SMUG1: variants seen among roughly 807,000 people sequenced by gnomAD.
SMUG1 encodes single-strand selective monofunctional uracil DNA glycosylase.
A neutral mutation model predicts 23.9 loss-of-function variants in SMUG1; 13 were observed. The ratio of observed to expected loss-of-function variants is 0.54; its 90% CI spans 0.35 to 0.86. SMUG1 has a LOEUF of 0.86. SMUG1 is among the 40% of genes least tolerant of loss of function. SMUG1 has a pLI of 0.01. For missense variants in SMUG1, 313 were observed against 339.5 expected (o/e 0.92, Z 0.61); for synonymous variants, 133 against 139.8 (o/e 0.95, Z 0.34).
At chr12:54,184,142 T>C (rs2136706057) in intron 2 of SMUG1, 183 bp from the exon 3 acceptor site, 3 of 473,648 alleles carry the variant, frequency 6.3e-6, no homozygotes, top group South Asian at 4.7e-5. Flanking sequence ...TGAAGGGCCC[T>C]TTCCCTCCCC....
intron 3 of SMUG1, among the ~76,000 whole-genome samples, chr12:54,171,667 C>G (rs117221316): frequency 0.052 from 6,008 of 114,942 alleles, 227 homozygotes; most frequent in East Asian, 0.21. Flanking sequence ...AGCCTGGCAA[C>G]AGAGCTAGAG....
intron 4 of SMUG1, among the ~76,000 whole-genome samples, chr12:54,159,620 G>C (rs1242218236): frequency 1.3e-5 from 2 of 152,172 alleles, no homozygotes; most frequent in Non-Finnish European, 2.9e-5. Context: ...ATGGTCTCTT[G>C]TGTACTTCAT....
chr12:54,182,276 C>T lies in SMUG1; in HGVS notation c.633G>A (p.Val211=), dbSNP rs1363568782. 1 of 1,611,960 alleles carries T rather than the reference C, an allele frequency of 6.2e-7. No homozygotes were observed. Among genetic ancestry groups the T allele is most frequent in the Non-Finnish European group, 8.5e-7 (1 of 1,178,784 alleles). The part of the protein sequence containing the change: ...QVQLLGVRLV[V]GVGRLAEQRA... The stretch of plus-strand genomic sequence containing the variant: ...GCTGCTCTGCCAGTCGCCCAACTCC[C>T]ACCACCAGCCGCACCCCCAGCAGCT... The change falls in exon 4 of 4, where the codon GTG becomes GTA. Residue 211 remains valine (V), a synonymous_variant. Coordinates refer to ENST00000682136, the MANE Select transcript of SMUG1 (RefSeq NM_001243787.2).
At chr12:54,159,419 C>CGG (rs1412774255) in intron 4 of SMUG1, among the ~76,000 whole-genome samples, 2 of 152,170 alleles carry the variant, frequency 1.3e-5, no homozygotes, top group East Asian at 3.9e-4. Context: ...TCAGGGCTGT[C>CGG]GGGGACAACC....
At chr12:54,158,303 C>G (rs1940109786) in intron 4 of SMUG1, among the ~76,000 whole-genome samples, 1 of 152,208 alleles carries the variant, frequency 6.6e-6, no homozygotes, top group Non-Finnish European at 1.5e-5. Flanking sequence ...TAGCCCCTAC[C>G]ACCAGGAGAA....
In SMUG1 at chr12:54,182,390, G is replaced by A. The variant is rs758198036; in HGVS notation, c.519C>T (p.Ser173=). The change falls in exon 4 of 4, where the codon AGC becomes AGT. Residue 173 remains serine, a synonymous_variant. Coordinates refer to ENST00000682136, the MANE Select transcript of SMUG1 (RefSeq NM_001243787.2). ...GCTCAGCAGGAGTAAGGTTGCGCCC[G>A]CTGGGAGCCAGGAAAAGCAGAGGGC... is the stretch of plus-strand genomic sequence containing the variant. The part of the protein sequence containing the change: ...NLCPLLFLAP[S]GRNLTPAELP... 8.7e-6 allele frequency: 14 copies of A among 1,614,076 alleles called. No individual in the cohort carries two copies. Among genetic ancestry groups the A allele is most frequent in the East Asian group, 4.5e-5 (2 of 44,880 alleles).
chr12:54,183,621 C>T, intron 3 of SMUG1, 35 bp downstream of exon 3: 5 of 1,611,254 alleles, frequency 3.1e-6, no homozygotes, highest in Non-Finnish European at 4.2e-6. Context: ...CCTAGAACCC[C>T]CCACTCCACC....
chr12:54,169,356 G>A (rs1414233362), intron 3 of SMUG1, among the ~76,000 whole-genome samples: 4 of 152,062 alleles, frequency 2.6e-5, no homozygotes, highest in Admixed American at 2.6e-4. Context: ...TCAGAGTTGG[G>A]ATATATTTGG....
At chr12:54,186,345 GTT>G (rs1257483275) in intron 2 of SMUG1, among the ~76,000 whole-genome samples, 1 of 96,930 alleles carries the variant, frequency 1.0e-5, no homozygotes, top group African/African-American at 3.7e-5. Context: ...GTTTTGTTTT[GTT>G]TTGTTTTTTT....
chr12:54,166,230 G>A (rs1428564392), intron 3 of SMUG1, among the ~76,000 whole-genome samples: 1 of 152,042 alleles, frequency 6.6e-6, no homozygotes, highest in Non-Finnish European at 1.5e-5. Context: ...ACGTGGTGGC[G>A]GGAGCCTGTG....
In SMUG1 at chr12:54,181,601, A is replaced by G. The variant is rs759303521; in HGVS notation, c.*495T>C. Reference sequence around the variant, plus strand: ...TCCTCTGATCCAGCTGCAGCCTCCCATAAGAAGTTCACTCTTAATTTCATG... The same window carrying G: ...TCCTCTGATCCAGCTGCAGCCTCCCGTAAGAAGTTCACTCTTAATTTCATG... On this transcript the variant is annotated 3_prime_UTR_variant, in exon 4 of 4. Transcript: ENST00000682136. 1.6e-5 allele frequency: 26 copies of G among 1,579,106 alleles called. No individual in the cohort carries two copies. Among genetic ancestry groups the G allele is most frequent in the Non-Finnish European group, 2.1e-5 (25 of 1,170,028 alleles).
At chr12:54,188,043 A>G (rs1468771805) in intron 1 of SMUG1, 141 bp from the exon 2 acceptor site, 1 of 151,994 alleles carries the variant, frequency 6.6e-6, no homozygotes, top group Non-Finnish European at 1.5e-5. Context: ...GGCTTAAGAA[A>G]TGTAGATATT....
At chr12:54,169,800 C>T (rs1940568073) in intron 3 of SMUG1, among the ~76,000 whole-genome samples, 1 of 152,214 alleles carries the variant, frequency 6.6e-6, no homozygotes. Context: ...AATAGTACAT[C>T]TGTGGCTTGT....
At chr12:54,169,110 G>T (rs1405529295) in intron 3 of SMUG1, among the ~76,000 whole-genome samples, 1 of 152,134 alleles carries the variant, frequency 6.6e-6, no homozygotes, top group African/African-American at 2.4e-5. Context: ...GGTCACATCT[G>T]GGGGGAAATG....
chr12:54,166,070 A>G (rs773232785), intron 3 of SMUG1, among the ~76,000 whole-genome samples: 94 of 152,364 alleles, frequency 6.2e-4, no homozygotes, highest in Non-Finnish European at 1.1e-3. Context: ...GGAATATAAA[A>G]GTTGGAGCCC....
At chr12:54,175,782 T>C (rs971488577), downstream of SMUG1, among the ~76,000 whole-genome samples, 2 of 152,172 alleles carry the variant, frequency 1.3e-5, no homozygotes, top group African/African-American at 4.8e-5. Flanking sequence ...CTCCCTACAG[T>C]GCCTAGCACA....
At position 54,181,694 on chromosome 12, in the gene SMUG1, G is replaced by A. The variant is rs1565812676; in HGVS notation, c.*402C>T. 2.5e-6 allele frequency: 4 copies of A among 1,570,082 alleles called. No homozygotes were observed. The highest frequency in any genetic ancestry group is 3.4e-6 in the Non-Finnish European group (4 of 1,164,064). ...AAAGGTAACTGTTCTATAAGGATGGGTAGGTATCCTGGCAAGATATTTCCT... is the reference window on the plus strand; with the variant it reads ...AAAGGTAACTGTTCTATAAGGATGGATAGGTATCCTGGCAAGATATTTCCT... On this transcript the variant is annotated 3_prime_UTR_variant, in exon 4 of 4. Transcript: ENST00000682136.
chr12:54,165,022 GT>G (rs1405935514), intron 4 of SMUG1: 4 of 152,116 alleles, frequency 2.6e-5, no homozygotes, highest in African/African-American at 9.7e-5. Context: ...GCCTACGATG[GT>G]AAGTACCTTC....
At chr12:54,163,074 G>A (rs1433848203), downstream of SMUG1, 2 of 152,280 alleles carry the variant, frequency 1.3e-5, no homozygotes, top group Non-Finnish European at 2.9e-5. Context: ...CACCGATTAG[G>A]GCAAGTGGCC....
Sources: allele counts gnomAD v4.1 joint callset (sites outside exome capture counted in the v4.1 genomes callset), GRCh38; gene constraint gnomAD v4.1.1; transcripts MANE v1.5; gene names NCBI Gene and HGNC (gene_info 2026-07-23, HGNC 2026-07-21).